SNAP23: variants seen among roughly 807,000 people sequenced by gnomAD.
The protein encoded by SNAP23 is synaptosomal-associated protein 23.
SNAP23 carries 11 observed loss-of-function variants against 29.0 expected under a neutral mutation model. That is an observed-to-expected ratio of 0.38 (90% CI 0.24 to 0.63). The LOEUF (loss-of-function observed/expected upper bound fraction) is 0.63. SNAP23 is among the 20% of genes least tolerant of loss of function. SNAP23 has a pLI of 0.58. For missense variants in SNAP23, 220 were observed against 253.9 expected (o/e 0.87, Z 0.91); for synonymous variants, 60 against 82.9 (o/e 0.72, Z 1.50).
At chr15:42,496,437 CCGGGCTTG>C (rs1426018760) in intron 1 of SNAP23, among the ~76,000 whole-genome samples, 2 of 152,168 alleles carry the variant, frequency 1.3e-5, no homozygotes, top group African/African-American at 4.8e-5. Context: ...GTACCCAAGG[CCGGGCTTG>C]GTGGCTAACG....
At chr15:42,517,483 T>G (rs1017034134) in intron 5 of SNAP23, among the ~76,000 whole-genome samples, 1 of 152,064 alleles carries the variant, frequency 6.6e-6, no homozygotes, top group African/African-American at 2.4e-5. Flanking sequence ...CAGCTCTAAG[T>G]CACGTGTTGA....
intron 1 of SNAP23, among the ~76,000 whole-genome samples, chr15:42,503,553 A>G (rs1257225956): frequency 6.6e-6 from 1 of 152,122 alleles, no homozygotes; most frequent in Non-Finnish European, 1.5e-5. Context: ...TATTTTTAGT[A>G]GAGACGGGGT....
Position 42,502,128 on chromosome 15 carries a change from C to T in SNAP23, c.-15+6415C>T, listed in dbSNP as rs140510428. Among the ~76,000 whole-genome samples, 53 of 150,976 alleles carry T rather than the reference C, an allele frequency of 3.5e-4. No individual in the cohort carries two copies. The East Asian group carries it at 8.1e-3, about 23-fold the overall frequency. On this transcript the variant is annotated intron_variant, in intron 1 of 7. Transcript: ENST00000249647. ...CTGCAAGCTCTGCCTCCCAGGTTCACGCCATTCTCCTGCCTCAGCCTCCTG... is the reference window on the plus strand; with the variant it reads ...CTGCAAGCTCTGCCTCCCAGGTTCATGCCATTCTCCTGCCTCAGCCTCCTG...
At chr15:42,511,126 G>A (rs1022193687) in intron 1 of SNAP23, among the ~76,000 whole-genome samples, 2 of 152,156 alleles carry the variant, frequency 1.3e-5, no homozygotes, top group African/African-American at 4.8e-5. Context: ...TAACACCTAC[G>A]AAATGTTTTA....
intron 1 of SNAP23, 76 bp from the exon 2 acceptor site, chr15:42,511,757 C>T (rs1427091839): frequency 2.6e-6 from 2 of 762,430 alleles, no homozygotes; most frequent in Admixed American, 2.9e-5. Flanking sequence ...CATAAATCTA[C>T]ACTTTTTGCT....
intron 1 of SNAP23, among the ~76,000 whole-genome samples, chr15:42,509,764 T>G (rs2057345870): frequency 6.6e-6 from 1 of 152,000 alleles, no homozygotes; most frequent in African/African-American, 2.4e-5. Context: ...ATAAAACAGC[T>G]ATGACAGTAG....
intron 5 of SNAP23, among the ~76,000 whole-genome samples, chr15:42,518,035 T>C (rs2057411624): frequency 6.6e-6 from 1 of 152,112 alleles, no homozygotes; most frequent in African/African-American, 2.4e-5. Context: ...TTTTTTTTTT[T>C]CTGGCACTTC....
chr15:42,500,257 T>C (rs1222389355), intron 1 of SNAP23, among the ~76,000 whole-genome samples: 1 of 151,256 alleles, frequency 6.6e-6, no homozygotes, highest in East Asian at 1.9e-4. Flanking sequence ...ATTGTGTATA[T>C]ATTAGCATGT....
At chr15:42,508,950 C>A (rs543257582) in intron 1 of SNAP23, among the ~76,000 whole-genome samples, 7 of 151,996 alleles carry the variant, frequency 4.6e-5, no homozygotes, top group Non-Finnish European at 1.0e-4. Flanking sequence ...TCTTCTCTGT[C>A]GGGCATTGAG....
chr15:42,492,431 G>A (rs923876510), upstream of SNAP23, among the ~76,000 whole-genome samples: 5 of 152,068 alleles, frequency 3.3e-5, no homozygotes, highest in African/African-American at 9.6e-5. Context: ...TGTAATCCCA[G>A]CACTTTGGGA....
chr15:42,516,147 A>G (rs2057395036), intron 5 of SNAP23, among the ~76,000 whole-genome samples: 2 of 152,192 alleles, frequency 1.3e-5, no homozygotes, highest in African/African-American at 4.8e-5. Context: ...AGATTGAATG[A>G]CTGTACTCAC....
intron 5 of SNAP23, chr15:42,521,381 C>A: frequency 2.2e-6 from 2 of 889,644 alleles, no homozygotes; most frequent in Non-Finnish European, 2.7e-6. Flanking sequence ...TATCATCACC[C>A]AAAATTCTGA....
chr15:42,517,536 T>A (rs911753428), intron 5 of SNAP23, among the ~76,000 whole-genome samples: 3 of 152,154 alleles, frequency 2.0e-5, no homozygotes, highest in Admixed American at 6.6e-5. Context: ...TGGTCTAATA[T>A]CATAGAAAGT....
intron 5 of SNAP23, among the ~76,000 whole-genome samples, chr15:42,517,272 C>CT (rs1324140099): frequency 2.0e-5 from 3 of 152,172 alleles, no homozygotes; most frequent in African/African-American, 7.2e-5. Flanking sequence ...TAGCAGATTA[C>CT]TTTAAGCAAA....
chr15:42,513,157 G>A, intron 3 of SNAP23, 161 bp downstream of exon 3: 1 of 761,796 alleles, frequency 1.3e-6, no homozygotes, highest in South Asian at 1.5e-5. Flanking sequence ...GGAATTTTCT[G>A]TTTTTCCCTT....
intron 1 of SNAP23, among the ~76,000 whole-genome samples, chr15:42,503,376 T>C (rs2057291910): frequency 6.7e-6 from 1 of 149,944 alleles, no homozygotes; most frequent in Non-Finnish European, 1.5e-5. Flanking sequence ...TAATTTTTTT[T>C]TTTTTTTTTT....
chr15:42,528,133 C>T, intron 5 of SNAP23, 129 bp from the exon 6 acceptor site: 2 of 553,486 alleles, frequency 3.6e-6, no homozygotes, highest in Admixed American at 6.5e-5. Flanking sequence ...TGTAGATCAT[C>T]TAGACTTAGC....
chr15:42,529,612 G>C (rs2057541912), intron 6 of SNAP23, 63 bp from the exon 7 acceptor site: 1 of 1,563,940 alleles, frequency 6.4e-7, no homozygotes, highest in South Asian at 1.2e-5. Flanking sequence ...TTTGTGAAAA[G>C]TAAATCCAGA....
At chr15:42,521,573 A>T (rs1172815058) in intron 5 of SNAP23, 1 of 1,530,240 alleles carries the variant, frequency 6.5e-7, no homozygotes, top group East Asian at 2.5e-5. Context: ...TCATTCTCTC[A>T]CCTAATCTCT....
Sources: gnomAD v4.1 joint callset for allele counts (sites outside exome capture counted in the v4.1 genomes callset) on GRCh38, gnomAD v4.1.1 for gene constraint, MANE v1.5 for transcripts, NCBI Gene and HGNC (gene_info 2026-07-23, HGNC 2026-07-21) for gene names.